ANKMY2: variants seen among roughly 807,000 people sequenced by gnomAD.
ANKMY2 encodes ankyrin repeat and MYND domain containing 2.
In ANKMY2, 36 loss-of-function variants were observed where a neutral mutation model predicts 50.4. The observed-to-expected ratio is 0.71, with a 90% CI of 0.55 to 0.94. The LOEUF (loss-of-function observed/expected upper bound fraction) is 0.94. Ranked by LOEUF, ANKMY2 falls within the 40% of genes least tolerant of loss-of-function variation. The pLI is 0.00. For synonymous variants in ANKMY2, 187 were observed against 178.8 expected (o/e 1.05, Z -0.36); for missense variants, 565 against 524.0 (o/e 1.08, Z -0.76).
intron 5 of ANKMY2, 128 bp from the exon 6 acceptor site, chr7:16,610,891 G>A: frequency 1.3e-6 from 1 of 788,780 alleles, no homozygotes; most frequent in Non-Finnish European, 2.0e-6. Flanking sequence ...AAGTTATTAT[G>A]TTATTTGTTA....
At chr7:16,642,403 A>G (rs1223856411) in intron 1 of ANKMY2, among the ~76,000 whole-genome samples, 1 of 152,202 alleles carries the variant, frequency 6.6e-6, no homozygotes, top group Non-Finnish European at 1.5e-5. Context: ...TATGATTTAA[A>G]TGGGTATGTT....
chr7:16,612,138 A>C (rs774160460), intron 5 of ANKMY2, among the ~76,000 whole-genome samples: 1 of 152,214 alleles, frequency 6.6e-6, no homozygotes, highest in Non-Finnish European at 1.5e-5. Context: ...GCCAGTCAGT[A>C]CTTGCTAACC....
At chr7:16,608,767 C>T (rs189314165) in intron 7 of ANKMY2, among the ~76,000 whole-genome samples, 10 of 152,182 alleles carry the variant, frequency 6.6e-5, no homozygotes, top group East Asian at 5.8e-4. Flanking sequence ...TTTGGGAAGC[C>T]GAGGTGGGTA....
intron 1 of ANKMY2, among the ~76,000 whole-genome samples, chr7:16,642,949 C>T (rs1299322507): frequency 6.6e-6 from 1 of 152,106 alleles, no homozygotes; most frequent in East Asian, 1.9e-4. Context: ...CCTGTGATAC[C>T]TCTGCTCTGC....
intron 4 of ANKMY2, among the ~76,000 whole-genome samples, chr7:16,616,519 A>G (rs2128343284): frequency 6.6e-6 from 1 of 152,274 alleles, no homozygotes; most frequent in East Asian, 1.9e-4. Context: ...TGGTTCTATG[A>G]AAGCAAATTC....
intron 1 of ANKMY2, among the ~76,000 whole-genome samples, chr7:16,642,329 G>C (rs1781757517): frequency 6.6e-6 from 1 of 152,148 alleles, no homozygotes; most frequent in African/African-American, 2.4e-5. Context: ...ATATAAGCCA[G>C]TTAAACACAG....
chr7:16,609,893 C>CA, intron 6 of ANKMY2, 128 bp from the exon 7 acceptor site: 1 of 1,159,928 alleles, frequency 8.6e-7, no homozygotes, highest in Non-Finnish European at 1.2e-6. Context: ...ATCATGATGA[C>CA]GGGCTCAGTT....
intron 1 of ANKMY2, among the ~76,000 whole-genome samples, chr7:16,638,520 T>C (rs536944602): frequency 6.6e-6 from 1 of 152,372 alleles, no homozygotes; most frequent in Admixed American, 6.5e-5. Flanking sequence ...GCACTCATTC[T>C]TCCAAGAACT....
intron 4 of ANKMY2, 107 bp from the exon 5 acceptor site, chr7:16,616,011 A>G (rs1781341503): frequency 9.5e-7 from 1 of 1,056,746 alleles, no homozygotes; most frequent in East Asian, 2.6e-5. Context: ...ATGCACCAAT[A>G]TCTTTATTTT....
intron 3 of ANKMY2, among the ~76,000 whole-genome samples, chr7:16,626,492 CA>C (rs1176976720): frequency 1.4e-4 from 22 of 152,122 alleles, no homozygotes; most frequent in Non-Finnish European, 3.1e-4. Flanking sequence ...TTATTATCTT[CA>C]AAGTACAAGG....
At chr7:16,607,106 C>T (rs567312597) in intron 7 of ANKMY2, among the ~76,000 whole-genome samples, 1 of 152,128 alleles carries the variant, frequency 6.6e-6, no homozygotes, top group Non-Finnish European at 1.5e-5. Flanking sequence ...GGCTGTGATA[C>T]GCACAATCAC....
chr7:16,614,144 C>T (rs1056551806), intron 5 of ANKMY2, among the ~76,000 whole-genome samples: 1 of 152,188 alleles, frequency 6.6e-6, no homozygotes, highest in African/African-American at 2.4e-5. Context: ...CCTGTCTCCC[C>T]ATCCCAGCCA....
At chr7:16,619,495 C>T (rs1370392892) in intron 4 of ANKMY2, among the ~76,000 whole-genome samples, 1 of 151,954 alleles carries the variant, frequency 6.6e-6, no homozygotes, top group Non-Finnish European at 1.5e-5. Context: ...ATTACTTTAC[C>T]TTTTTTTCCA....
intron 2 of ANKMY2, among the ~76,000 whole-genome samples, chr7:16,630,472 C>G (rs1781567420): frequency 6.6e-6 from 1 of 152,192 alleles, no homozygotes. Flanking sequence ...TAGATACAAT[C>G]CCCTTAAAAA....
intron 1 of ANKMY2, among the ~76,000 whole-genome samples, chr7:16,642,291 C>T (rs1029819186): frequency 6.6e-6 from 1 of 152,070 alleles, no homozygotes; most frequent in Non-Finnish European, 1.5e-5. Flanking sequence ...GGTATCAAAG[C>T]TTAGAAGAAT....
chr7:16,605,175 G>A (rs913677303), intron 7 of ANKMY2, among the ~76,000 whole-genome samples: 2 of 152,160 alleles, frequency 1.3e-5, no homozygotes, highest in Admixed American at 1.3e-4. Flanking sequence ...TAACTCCAGA[G>A]CAGAATTTTT....
At chr7:16,645,177 G>A (rs778399191) in intron 1 of ANKMY2, among the ~76,000 whole-genome samples, 6 of 152,076 alleles carry the variant, frequency 3.9e-5, no homozygotes, top group Non-Finnish European at 8.8e-5. Context: ...AATCCCTCGG[G>A]AGCAGTGAAG....
chr7:16,630,567 C>G (rs1781568614), intron 2 of ANKMY2, among the ~76,000 whole-genome samples: 1 of 152,180 alleles, frequency 6.6e-6, no homozygotes, highest in South Asian at 2.1e-4. Flanking sequence ...TTAAATGCAG[C>G]ATCCATTCAT....
intron 1 of ANKMY2, among the ~76,000 whole-genome samples, chr7:16,644,390 C>A (rs1032913417): frequency 1.3e-5 from 2 of 152,200 alleles, no homozygotes; most frequent in African/African-American, 4.8e-5. Flanking sequence ...TCATCAGCAC[C>A]TGTTGAGTTC....
Sources: allele counts gnomAD v4.1 joint callset (sites outside exome capture counted in the v4.1 genomes callset), GRCh38; gene constraint gnomAD v4.1.1; transcripts MANE v1.5; gene names NCBI Gene and HGNC (gene_info 2026-07-23, HGNC 2026-07-21).